The following ITGB4 variants were observed in gnomAD, a reference collection of about 807,000 sequenced individuals.
The protein encoded by ITGB4 is integrin subunit beta 4.
In ITGB4, 159 loss-of-function variants were observed where a neutral mutation model predicts 207.6. That is an observed-to-expected ratio of 0.77 (90% CI 0.67 to 0.87). The LOEUF (loss-of-function observed/expected upper bound fraction) is 0.87, where lower values mean the gene tolerates loss of function less well. Ranked by LOEUF, ITGB4 falls within the 40% of genes least tolerant of loss-of-function variation. The pLI is 0.00. For missense variants in ITGB4, 2,278 were observed against 2,546.8 expected (o/e 0.89, Z 2.27); for synonymous variants, 1,020 against 1,062.7 (o/e 0.96, Z 0.78).
intron 16 of ITGB4, 56 bp downstream of exon 16, chr17:75,736,750 A>G: frequency 6.4e-7 from 1 of 1,556,926 alleles, no homozygotes; most frequent in Non-Finnish European, 8.7e-7. Context: ...CGGGCATCCA[A>G]CGGGGCAAGG....
rs1568349620 is a variant in ITGB4 at position 75,731,349 on chromosome 17, A to C, written c.1196A>C (p.His399Pro). 1 of 1,612,248 alleles carries C rather than the reference A, an allele frequency of 6.2e-7. No homozygotes were observed. The highest frequency in any genetic ancestry group is 1.1e-5 in the South Asian group (1 of 91,052). ...CAGAAGACGAGGACTGGGTCCTTTC[A>C]CATCCGGCGGGGGGAAGTGGTACGC... ...MFQKTRTGSFHIRRGEVGIYQ... is the reference protein window; with the variant it reads ...MFQKTRTGSFPIRRGEVGIYQ... The change falls in exon 10 of 40, where the codon CAC becomes CCC. Residue 399 changes from histidine (H) to proline (P), a missense_variant. By Grantham distance (77) the His-to-Pro change is moderately conservative. Coordinates refer to ENST00000200181, the MANE Select transcript of ITGB4 (RefSeq NM_000213.5). This position sits in a 1 kb window ranked among gnomAD's most constrained non-coding sequence, Gnocchi z 6.8.
At chr17:75,749,091 C>T (rs2061304661) in intron 27 of ITGB4, 46 bp downstream of exon 27, 5 of 1,494,306 alleles carry the variant, frequency 3.3e-6, no homozygotes, top group Non-Finnish European at 4.6e-6. Flanking sequence ...AGAGGGAAGA[C>T]TGGGGGGTCT....
rs755573004 is a variant in ITGB4 at position 75,732,229 on chromosome 17, A to G, written c.1444A>G (p.Ser482Gly). The change falls in exon 12 of 40, where the codon AGC (serine) becomes GGC (glycine). Residue 482 changes from serine to glycine, a missense_variant. Ser to Gly is a moderately conservative substitution (Grantham distance 56). Transcript: ENST00000200181. The surrounding 1 kb of genome is among the most constrained non-coding windows in gnomAD (Gnocchi z 5.3). ...GDFVCGQCVC[S>G]EGWSGQTCNC... ...CTTCGTGTGCGGACAGTGTGTGTGC[A>G]GCGAGGGCTGGTGAGTGGGGAAGGG... 1 of 1,614,040 alleles carries G rather than the reference A, an allele frequency of 6.2e-7. No individual in the cohort carries two copies. The highest frequency in any genetic ancestry group is 2.2e-5 in the East Asian group (1 of 44,872).
chr17:75,732,190 A>C lies in ITGB4; in HGVS notation c.1405A>C (p.Ser469Arg). The C allele has an allele frequency of 6.2e-7, 1 of 1,614,132 alleles. No homozygotes were observed. The highest frequency in any genetic ancestry group is 8.5e-7 in the Non-Finnish European group (1 of 1,180,044). The stretch of plus-strand genomic sequence containing the variant: ...AAAAGAGGTGCGGTCAGCTCGCTGC[A>C]GCTTCAACGGAGACTTCGTGTGCGG... ...LQKEVRSARC[S>R]FNGDFVCGQC... Residue 469 changes from serine to arginine, a missense_variant, in exon 12 of 40, where the codon AGC becomes CGC. By Grantham distance (110) the Ser-to-Arg change is moderately radical. Coordinates refer to ENST00000200181, the MANE Select transcript of ITGB4 (RefSeq NM_000213.5). The surrounding 1 kb of genome is among the most constrained non-coding windows in gnomAD (Gnocchi z 5.3).
At chr17:75,724,887 C>A in intron 2 of ITGB4, 105 bp downstream of exon 2, 1 of 931,058 alleles carries the variant, frequency 1.1e-6, no homozygotes, top group Non-Finnish European at 1.7e-6. Context: ...CACGCTTGGC[C>A]ATTCAGCAAC....
In ITGB4 at chr17:75,730,386, C is replaced by G. The variant is rs1477307245; in HGVS notation, c.884C>G (p.Thr295Ser). Reference sequence around the variant, plus strand: ...CGGTGCCACCTGGACACCACGGGCACCTACACCCAGTACAGGACACAGGAC... The same window carrying G: ...CGGTGCCACCTGGACACCACGGGCAGCTACACCCAGTACAGGACACAGGAC... ...DERCHLDTTG[T>S]YTQYRTQDYP... The change falls in exon 8 of 40, where the codon ACC becomes AGC. Residue 295 changes from threonine to serine, a missense_variant. Physicochemically the swap from Thr to Ser is moderately conservative, Grantham distance 58. Transcript: ENST00000200181. 1.2e-6 allele frequency: 2 copies of G among 1,613,942 alleles called. No individual in the cohort carries two copies. The highest frequency in any genetic ancestry group is 1.1e-5 in the South Asian group (1 of 91,084).
chr17:75,750,580 T>C lies in ITGB4; in HGVS notation c.3475-100T>C. ...CTCTCAGCCCCTCCCTCGGGCCTCA[T>C]CTGTGCAAAGAGGACAGTAAGGGCA... is the stretch of plus-strand genomic sequence containing the variant. On this transcript the variant is annotated intron_variant, in intron 28 of 39. Transcript: ENST00000200181. This position sits in a 1 kb window ranked among gnomAD's most constrained non-coding sequence, Gnocchi z 5.5. 9.1e-7 allele frequency: 1 copy of C among 1,101,356 alleles called. No individual in the cohort carries two copies. Among genetic ancestry groups the C allele is most frequent in the Non-Finnish European group, 1.4e-6 (1 of 740,158 alleles). 68.2% of individuals were successfully genotyped at this position (1,101,356 alleles called of 1,614,324 possible).
At position 75,742,878 on chromosome 17, in the gene ITGB4, C is replaced by A; in HGVS notation, c.2962+117C>A. ...GCCTGGGCTAGTCACTTAACCTCTG[C>A]AAGCCTTGGTTTCTCCATCTGTAAA... On this transcript the variant is annotated intron_variant, in intron 25 of 39. Coordinates refer to ENST00000200181, the MANE Select transcript of ITGB4 (RefSeq NM_000213.5). This position sits in a 1 kb window ranked among gnomAD's most constrained non-coding sequence, Gnocchi z 5.9. 1 of 950,128 alleles carries A rather than the reference C, an allele frequency of 1.1e-6. No individual in the cohort carries two copies. Among genetic ancestry groups the A allele is most frequent in the South Asian group, 1.6e-5 (1 of 61,688 alleles). The allele number at this position is 950,128 out of a possible 1,614,324, so 58.9% of individuals were successfully genotyped here.
In ITGB4 at chr17:75,752,283, C is replaced by T; in HGVS notation, c.3903C>T (p.Arg1301=). The T allele has an allele frequency of 6.2e-7, 1 of 1,613,380 alleles. No individual in the cohort carries two copies. Residue 1301 remains arginine, a synonymous_variant, in exon 31 of 40, where the codon CGC becomes CGT. Transcript: ENST00000200181. ...SQPYRYTVKA[R]NGAGWGPERE... ...CCTACCGCTACACGGTGAAGGCGCG[C>T]AACGGGGCCGGCTGGGGGCCTGAGC...
At position 75,752,278 on chromosome 17, in the gene ITGB4, G is replaced by A; in HGVS notation, c.3898G>A (p.Ala1300Thr). 1 of 1,613,416 alleles carries A rather than the reference G, an allele frequency of 6.2e-7. No individual in the cohort carries two copies. The highest frequency in any genetic ancestry group is 8.5e-7 in the Non-Finnish European group (1 of 1,180,036). ...CCAGCCCTACCGCTACACGGTGAAG[G>A]CGCGCAACGGGGCCGGCTGGGGGCC... ...ESQPYRYTVK[A>T]RNGAGWGPER... is the part of the protein sequence containing the mutation. The change falls in exon 31 of 40, where the codon GCG becomes ACG. Residue 1300 changes from alanine (A) to threonine (T), a missense_variant. By Grantham distance (58) the Ala-to-Thr change is moderately conservative. Coordinates refer to ENST00000200181, the MANE Select transcript of ITGB4 (RefSeq NM_000213.5).
chr17:75,729,381 A>AT lies in ITGB4; in HGVS notation c.683_684insT (p.Leu229ProfsTer5). On this transcript the variant is annotated frameshift_variant, in exon 7 of 40. Coordinates refer to ENST00000200181, the MANE Select transcript of ITGB4 (RefSeq NM_000213.5). LOFTEE classifies it high-confidence loss of function. This position sits in a 1 kb window ranked among gnomAD's most constrained non-coding sequence, Gnocchi z 4.4. ...CTGCAGGGAGAGCGGATCTCAGGCA[A>AT]CCTGGATGCTCCTGAGGGCGGCTTC... 6.2e-7 allele frequency: 1 copy of AT among 1,614,178 alleles called. No individual in the cohort carries two copies. Among genetic ancestry groups the AT allele is most frequent in the Non-Finnish European group, 8.5e-7 (1 of 1,180,022 alleles).
At chr17:75,730,630 C>A (rs2060835850) in intron 8 of ITGB4, 126 bp downstream of exon 8, 2 of 1,104,172 alleles carry the variant, frequency 1.8e-6, no homozygotes, top group Non-Finnish European at 2.6e-6. Flanking sequence ...CCCTCTTTTC[C>A]TCCCTTTCCT....
rs1355173862 is a variant in ITGB4, at chr17:75,732,073, G to A, written c.1378-90G>A. The A allele has an allele frequency of 6.2e-7, 1 of 1,607,530 alleles. No individual in the cohort carries two copies. The highest frequency in any genetic ancestry group is 1.3e-5 in the African/African-American group (1 of 74,810). On this transcript the variant is annotated intron_variant, in intron 11 of 39. Coordinates refer to ENST00000200181, the MANE Select transcript of ITGB4 (RefSeq NM_000213.5). The surrounding 1 kb of genome is among the most constrained non-coding windows in gnomAD (Gnocchi z 5.3). Reference sequence around the variant, plus strand: ...CTCCTGTGCCCCATATCCCTTGTGGGGTTTCCCGAGGCACACAGGAGAGCG... The same window carrying A: ...CTCCTGTGCCCCATATCCCTTGTGGAGTTTCCCGAGGCACACAGGAGAGCG...
intron 13 of ITGB4, among the ~76,000 whole-genome samples, chr17:75,735,688 G>A (rs1191293836): frequency 1.3e-5 from 2 of 152,214 alleles, no homozygotes; most frequent in Non-Finnish European, 2.9e-5. Context: ...TGGGATTACA[G>A]GCGTGAGCCA....
At chr17:75,751,229 C>A in intron 30 of ITGB4, 118 bp downstream of exon 30, 2 of 1,222,002 alleles carry the variant, frequency 1.6e-6, no homozygotes, top group South Asian at 1.3e-5. Context: ...CACTCGAGGC[C>A]TTCATCCTGG....
chr17:75,733,525 T>C lies in ITGB4; in HGVS notation c.1490T>C (p.Leu497Pro). ...GQTCNCSTGS[L>P]SDIQPCLREG... The stretch of plus-strand genomic sequence containing the variant: ...ACCTGCAACTGCTCCACCGGCTCTC[T>C]GAGTGACATTCAGCCCTGCCTGCGG... The change falls in exon 13 of 40, where the codon CTG (leucine) becomes CCG (proline). Residue 497 changes from leucine (L) to proline (P), a missense_variant. Coordinates refer to ENST00000200181, the MANE Select transcript of ITGB4 (RefSeq NM_000213.5). 6.2e-7 allele frequency: 1 copy of C among 1,613,676 alleles called. No homozygotes were observed.
At position 75,733,549 on chromosome 17, in the gene ITGB4, G is replaced by C. The variant is rs151163670; in HGVS notation, c.1514G>C (p.Arg505Pro). The C allele has an allele frequency of 1.5e-5, 25 of 1,613,930 alleles. No homozygotes were observed. Among genetic ancestry groups the C allele is most frequent in the Non-Finnish European group, 2.0e-5 (24 of 1,180,046 alleles). ...CTGAGTGACATTCAGCCCTGCCTGC[G>C]GGAGGGCGAGGACAAGCCGTGCTCC... ...GSLSDIQPCL[R>P]EGEDKPCSGR... The change falls in exon 13 of 40, where the codon CGG (arginine) becomes CCG (proline). Residue 505 changes from arginine (R) to proline (P), a missense_variant. Coordinates refer to ENST00000200181, the MANE Select transcript of ITGB4 (RefSeq NM_000213.5).
Position 75,740,860 on chromosome 17 carries a change from C to T in ITGB4, c.2609+9C>T, listed in dbSNP as rs765364609. ...CAGCAGACCAAGTTCCGGTGAGTCC[C>T]GGGGTGCCCGGGTTGGGTGGGGGAG... On this transcript the variant is annotated intron_variant, in intron 22 of 39. Transcript: ENST00000200181. This position sits in a 1 kb window ranked among gnomAD's most constrained non-coding sequence, Gnocchi z 5.9. 1.1e-5 allele frequency: 17 copies of T among 1,613,540 alleles called. No individual in the cohort carries two copies. The highest frequency in any genetic ancestry group is 1.7e-4 in the Middle Eastern group (1 of 5,856).
chr17:75,752,723 C>A, intron 32 of ITGB4, 146 bp downstream of exon 32: 1 of 1,027,546 alleles, frequency 9.7e-7, no homozygotes, highest in Non-Finnish European at 1.4e-6. Context: ...GAGTGCACAT[C>A]TGTGCATGGG....
Sources: gnomAD v4.1 joint callset for allele counts (sites outside exome capture counted in the v4.1 genomes callset) on GRCh38, gnomAD v4.1.1 for gene constraint, Gnocchi (gnomAD v3.1) non-coding constraint, MANE v1.5 for transcripts, NCBI Gene and HGNC (gene_info 2026-07-23, HGNC 2026-07-21) for gene names.